Variants in THSD7B observed in about 807,000 individuals in gnomAD.
THSD7B encodes the protein thrombospondin type 1 domain containing 7B.
A neutral mutation model predicts 213.6 loss-of-function variants in THSD7B; 138 were observed. That is an observed-to-expected ratio of 0.65 (90% CI 0.56 to 0.74). The LOEUF is 0.74. THSD7B is among the 30% of genes least tolerant of loss of function. The pLI, the probability that THSD7B is intolerant of heterozygous loss-of-function variation, is 0.00. For synonymous variants in THSD7B, 742 were observed against 687.0 expected (o/e 1.08, Z -1.25); for missense variants, 1,931 against 1,991.5 (o/e 0.97, Z 0.58).
intron 2 of THSD7B, among the ~76,000 whole-genome samples, chr2:136,896,036 A>G (rs1027542745): frequency 3.9e-5 from 6 of 152,180 alleles, no homozygotes; most frequent in South Asian, 2.1e-4. Context: ...TTTGGCTGCT[A>G]TGGATAATGC....
chr2:137,309,432 T>C (rs368901485), intron 12 of THSD7B, among the ~76,000 whole-genome samples: 11 of 151,808 alleles, frequency 7.2e-5, no homozygotes, highest in Admixed American at 5.3e-4. Flanking sequence ...ATTTTTAAAC[T>C]TCCTTATGAA....
chr2:137,240,134 C>T (rs149037904), intron 9 of THSD7B, among the ~76,000 whole-genome samples: 1 of 152,260 alleles, frequency 6.6e-6, no homozygotes, highest in African/African-American at 2.4e-5. Context: ...ATGACTTTGT[C>T]TCTTATTTCA....
At chr2:136,973,980 T>G (rs968979847) in intron 2 of THSD7B, among the ~76,000 whole-genome samples, 3 of 152,206 alleles carry the variant, frequency 2.0e-5, no homozygotes, top group Admixed American at 2.0e-4. Context: ...CTAAGTGGAA[T>G]TGACAAGTAA....
At chr2:136,960,986 G>T (rs906973092) in intron 2 of THSD7B, among the ~76,000 whole-genome samples, 1 of 149,102 alleles carries the variant, frequency 6.7e-6, no homozygotes, top group Non-Finnish European at 1.5e-5. Context: ...CTACTTGGGA[G>T]GCTGAGGTAG....
At chr2:137,591,920 C>T (rs1041822053) in intron 17 of THSD7B, among the ~76,000 whole-genome samples, 13 of 151,376 alleles carry the variant, frequency 8.6e-5, no homozygotes, top group Non-Finnish European at 8.9e-5. Context: ...TCTTTATTAG[C>T]TCTTTTTTTT....
intron 2 of THSD7B, among the ~76,000 whole-genome samples, chr2:136,960,654 C>T (rs1685200955): frequency 6.6e-6 from 1 of 152,140 alleles, no homozygotes; most frequent in Admixed American, 6.5e-5. Flanking sequence ...AGTGTCAGGC[C>T]TTCCCTATCC....
intron 1 of THSD7B, among the ~76,000 whole-genome samples, chr2:136,777,884 G>A (rs1681644066): frequency 6.6e-6 from 1 of 152,162 alleles, no homozygotes; most frequent in Admixed American, 6.5e-5. Context: ...CAGGGCATGA[G>A]GGGAGATGTT....
rs564904741 is a variant in THSD7B at position 137,350,089 on chromosome 2, A to G, written c.2501-55524A>G. ...ACTATTCATTAACCTGTTATGTACC[A>G]ATGTATTAGGGATGGAATACAGCAG... On this transcript the variant is annotated intron_variant, in intron 12 of 27. Coordinates refer to ENST00000409968, the MANE Select transcript of THSD7B (RefSeq NM_001316349.2). Among the ~76,000 whole-genome samples the G allele has an allele frequency of 2.4e-3, 363 of 151,944 alleles. 2 individuals carry two copies. The highest frequency in any genetic ancestry group is 4.2e-3 in the Non-Finnish European group (285 of 67,856).
chr2:137,411,100 A>G (rs189812704), intron 13 of THSD7B, among the ~76,000 whole-genome samples: 1 of 152,356 alleles, frequency 6.6e-6, no homozygotes, highest in East Asian at 1.9e-4. Context: ...TGACTTGATC[A>G]TTTATTTCAA....
chr2:136,888,071 A>G (rs1401868820), intron 2 of THSD7B, among the ~76,000 whole-genome samples: 1 of 152,170 alleles, frequency 6.6e-6, no homozygotes, highest in East Asian at 1.9e-4. Flanking sequence ...ATGTTATACA[A>G]TTTCTGTATA....
intron 21 of THSD7B, 68 bp from the exon 22 acceptor site, chr2:137,655,433 T>G: frequency 1.3e-6 from 2 of 1,495,594 alleles, no homozygotes; most frequent in South Asian, 1.3e-5. Context: ...AGGCAAGAGG[T>G]GGCAAGAGCC....
At chr2:137,142,783 T>C (rs970847767) in intron 5 of THSD7B, among the ~76,000 whole-genome samples, 3 of 152,146 alleles carry the variant, frequency 2.0e-5, no homozygotes, top group African/African-American at 7.2e-5. Context: ...AAATATGACT[T>C]GATTGTTATT....
chr2:137,124,182 G>C (rs1347028), intron 5 of THSD7B, among the ~76,000 whole-genome samples: 1 of 151,916 alleles, frequency 6.6e-6, no homozygotes, highest in Non-Finnish European at 1.5e-5. Context: ...TGAGCGTCTC[G>C]CTCATCTTCA....
chr2:136,995,085 C>A (rs547878012), intron 2 of THSD7B, among the ~76,000 whole-genome samples: 46 of 152,306 alleles, frequency 3.0e-4, no homozygotes, highest in African/African-American at 1.0e-3. Context: ...CATCAACAAA[C>A]ATCTCTTGTG....
chr2:137,312,578 A>C (rs1683945751), intron 12 of THSD7B, among the ~76,000 whole-genome samples: 1 of 151,332 alleles, frequency 6.6e-6, no homozygotes, highest in Non-Finnish European at 1.5e-5. Flanking sequence ...TTGCTTTTCT[A>C]GTTCTTTTAA....
At chr2:137,633,518 G>C (rs1682779081) in intron 20 of THSD7B, among the ~76,000 whole-genome samples, 1 of 152,156 alleles carries the variant, frequency 6.6e-6, no homozygotes, top group African/African-American at 2.4e-5. Context: ...CTAAGATATG[G>C]ATTAGATGAG....
At chr2:137,595,632 C>A (rs1681943980) in intron 17 of THSD7B, among the ~76,000 whole-genome samples, 1 of 151,908 alleles carries the variant, frequency 6.6e-6, no homozygotes, top group African/African-American at 2.4e-5. Context: ...CAGTTTTAAA[C>A]AGAAAATGGA....
chr2:137,106,333 G>T (rs1425128302), intron 4 of THSD7B, among the ~76,000 whole-genome samples: 1 of 152,168 alleles, frequency 6.6e-6, no homozygotes, highest in African/African-American at 2.4e-5. Flanking sequence ...TGGGAAAACT[G>T]GCTAGCCATA....
At chr2:137,315,313 C>T (rs1352416844) in intron 12 of THSD7B, among the ~76,000 whole-genome samples, 7 of 152,186 alleles carry the variant, frequency 4.6e-5, no homozygotes, top group Non-Finnish European at 1.0e-4. Flanking sequence ...GGAAAGGGAA[C>T]TCCCTGACCC....
Sources: allele counts gnomAD v4.1 joint callset (sites outside exome capture counted in the v4.1 genomes callset), GRCh38; gene constraint gnomAD v4.1.1; transcripts MANE v1.5; gene names NCBI Gene and HGNC (gene_info 2026-07-23, HGNC 2026-07-21).